THBS1: variants seen among roughly 807,000 people sequenced by gnomAD.
The protein encoded by THBS1 is thrombospondin 1, also known as thrombospondin-1.
In THBS1, 29 loss-of-function variants were observed where a neutral mutation model predicts 126.1. The ratio of observed to expected loss-of-function variants is 0.23; its 90% CI spans 0.17 to 0.31. The LOEUF is 0.31. THBS1 is among the 10% of genes least tolerant of loss of function. The pLI, the probability that THBS1 is intolerant of heterozygous loss-of-function variation, is 1.00. For missense variants in THBS1, 1,198 were observed against 1,545.2 expected, an observed-to-expected ratio of 0.78 and a Z score of 3.77; for synonymous variants, 496 against 577.8, an observed-to-expected ratio of 0.86 and a Z score of 2.03.
intron 3 of THBS1, among the ~76,000 whole-genome samples, 161 bp downstream of exon 3, chr15:39,582,913 G>T (rs1890140711): frequency 6.6e-6 from 1 of 152,216 alleles, no homozygotes; most frequent in African/African-American, 2.4e-5. Flanking sequence ...TCACCCTGCT[G>T]CACCCCAGCC....
chr15:39,592,546 T>C lies in THBS1; in HGVS notation c.2533-22T>C. ...GAATGGTTTATACTGCAATTTACCCTCCATTTACATCTCTCTTTCAGCTGG... is the reference window on the plus strand; with the variant it reads ...GAATGGTTTATACTGCAATTTACCCCCCATTTACATCTCTCTTTCAGCTGG... On this transcript the variant is annotated intron_variant, in intron 16 of 21. Transcript: ENST00000260356. The surrounding 1 kb of genome is among the most constrained non-coding windows in gnomAD (Gnocchi z 4.3). 1 of 1,584,538 alleles carries C rather than the reference T, an allele frequency of 6.3e-7. No homozygotes were observed.
In THBS1 at chr15:39,589,864, G is replaced by A; in HGVS notation, c.1986G>A (p.Lys662=). ...DGTHDCNKNA[K]CNYLGHYSDP... is the part of the protein sequence containing the mutation. ...CCCACGACTGCAACAAGAACGCCAA[G>A]TGCAACTACCTGGGCCACTATAGCG... Residue 662 remains lysine (K), a synonymous_variant, in exon 13 of 22, where the codon AAG becomes AAA. Transcript: ENST00000260356. This position sits in a 1 kb window ranked among gnomAD's most constrained non-coding sequence, Gnocchi z 4.7. 6.2e-7 allele frequency: 1 copy of A among 1,614,198 alleles called. No homozygotes were observed. Among genetic ancestry groups the A allele is most frequent in the Non-Finnish European group, 8.5e-7 (1 of 1,180,032 alleles).
In THBS1 at chr15:39,584,050, A is replaced by C; in HGVS notation, c.766A>C (p.Thr256Pro). 6.2e-7 allele frequency: 1 copy of C among 1,614,198 alleles called. No homozygotes were observed. The highest frequency in any genetic ancestry group is 8.5e-7 in the Non-Finnish European group (1 of 1,180,052). The change falls in exon 5 of 22, where the codon ACT becomes CCT. Residue 256 changes from threonine (T) to proline (P), a missense_variant. Coordinates refer to ENST00000260356, the MANE Select transcript of THBS1 (RefSeq NM_003246.4). ...VVNGSSPAIR[T>P]NYIGHKTKDL... ...GAATGGTTCCAGCCCTGCCATCCGC[A>C]CTAACTACATTGGCCACAAGACAAA...
In THBS1 at chr15:39,593,754, C is replaced by T; in HGVS notation, c.3267+86C>T. 6.6e-7 allele frequency: 1 copy of T among 1,525,482 alleles called. No individual in the cohort carries two copies. The highest frequency in any genetic ancestry group is 8.8e-7 in the Non-Finnish European group (1 of 1,132,488). The allele number at this position is 1,525,482 out of a possible 1,614,324, so 94.5% of individuals were successfully genotyped here. Reference sequence around the variant, plus strand: ...TGCTGTGCTTTGACCAAGACTCTGACCAGGGAGTCTTAGAAAGTTCCCAGC... The same window carrying T: ...TGCTGTGCTTTGACCAAGACTCTGATCAGGGAGTCTTAGAAAGTTCCCAGC... On this transcript the variant is annotated intron_variant, in intron 19 of 21. Transcript: ENST00000260356. This position sits in a 1 kb window ranked among gnomAD's most constrained non-coding sequence, Gnocchi z 5.9.
chr15:39,595,263 T>C, intron 21 of THBS1, 99 bp from the exon 22 acceptor site: 2 of 751,316 alleles, frequency 2.7e-6, no homozygotes, highest in Admixed American at 3.6e-5. Context: ...ATTAGAAAAG[T>C]AGAGCTATTC....
chr15:39,592,526 G>C lies in THBS1; in HGVS notation c.2533-42G>C. ...GCATAAGTTATCTTTAACATGAATGGTTTATACTGCAATTTACCCTCCATT... is the reference window on the plus strand; with the variant it reads ...GCATAAGTTATCTTTAACATGAATGCTTTATACTGCAATTTACCCTCCATT... On this transcript the variant is annotated intron_variant, in intron 16 of 21. Coordinates refer to ENST00000260356, the MANE Select transcript of THBS1 (RefSeq NM_003246.4). This position sits in a 1 kb window ranked among gnomAD's most constrained non-coding sequence, Gnocchi z 4.3. 6 of 1,517,672 alleles carry C rather than the reference G, an allele frequency of 4.0e-6. No individual in the cohort carries two copies. Among genetic ancestry groups the C allele is most frequent in the Non-Finnish European group, 5.4e-6 (6 of 1,114,574 alleles). 94.0% of individuals were successfully genotyped at this position (1,517,672 alleles called of 1,614,324 possible). A position where few individuals can be genotyped will look rare whatever the true frequency, so the allele number is the denominator to read the frequency against.
intron 6 of THBS1, among the ~76,000 whole-genome samples, chr15:39,585,267 A>T (rs41308582): frequency 2.7e-3 from 405 of 152,334 alleles, no homozygotes; most frequent in Non-Finnish European, 4.6e-3. Context: ...CAAGGAATGG[A>T]GTGACACGTA....
In THBS1 at chr15:39,587,291, A is replaced by G. The variant is rs1021969858; in HGVS notation, c.1121-56A>G. The G allele has an allele frequency of 7.7e-6, 12 of 1,556,362 alleles. No individual in the cohort carries two copies. The African/African-American group carries it at 1.2e-4, about 16-fold the overall frequency. On this transcript the variant is annotated intron_variant, in intron 7 of 21. Transcript: ENST00000260356. ...TGGAGGGCCCTGAACAGAGCCCTCTAAAGAACAGCTTGTCCTAATCATCAC... is the reference window on the plus strand; with the variant it reads ...TGGAGGGCCCTGAACAGAGCCCTCTGAAGAACAGCTTGTCCTAATCATCAC...
Position 39,588,588 on chromosome 15 carries a change from G to T in THBS1, c.1534G>T (p.Val512Leu), listed in dbSNP as rs759906085. ...CTGTTCTGTCACCTGTGGAGGAGGG[G>T]TACAGAAACGTAGTCGTCTCTGCAA... The part of the protein sequence containing the change: ...DICSVTCGGG[V>L]QKRSRLCNNP... Residue 512 changes from valine (V) to leucine (L), a missense_variant, in exon 10 of 22, where the codon GTA (valine) becomes TTA (leucine). Coordinates refer to ENST00000260356, the MANE Select transcript of THBS1 (RefSeq NM_003246.4). 3 of 1,609,074 alleles carry T rather than the reference G, an allele frequency of 1.9e-6. No homozygotes were observed. Among genetic ancestry groups the T allele is most frequent in the Non-Finnish European group, 2.5e-6 (3 of 1,177,930 alleles).
chr15:39,588,731 A>G (rs573626255), intron 10 of THBS1, 32 bp downstream of exon 10: 1 of 1,552,310 alleles, frequency 6.4e-7, no homozygotes, highest in Non-Finnish European at 8.7e-7. Context: ...GAAACGACCC[A>G]GGAGCTTTGC....
In THBS1 at chr15:39,590,574, G is replaced by A; in HGVS notation, c.2204G>A (p.Gly735Asp). Residue 735 changes from glycine (G) to aspartate (D), a missense_variant, in exon 14 of 22, where the codon GGT (glycine) becomes GAT (aspartate). Around this residue, in one of 4 missense-constraint regions of THBS1, gnomAD observed 663 missense variants for 860.1 expected, o/e 0.77. Transcript: ENST00000260356. ...GAAGACTATGACAAGGATGGAATTG[G>A]TGATGCCTGTGATGATGACGATGAC... ...GQEDYDKDGI[G>D]DACDDDDDND... is the part of the protein sequence containing the mutation. 2 of 1,613,944 alleles carry A rather than the reference G, an allele frequency of 1.2e-6. No homozygotes were observed. Among genetic ancestry groups the A allele is most frequent in the Non-Finnish European group, 1.7e-6 (2 of 1,179,980 alleles).
chr15:39,582,804 G>C, intron 3 of THBS1, 52 bp downstream of exon 3: 1 of 1,536,384 alleles, frequency 6.5e-7, no homozygotes, highest in Non-Finnish European at 8.8e-7. Context: ...CTAGACAGGT[G>C]ACCTGCCAGG....
intron 14 of THBS1, 64 bp from the exon 15 acceptor site, chr15:39,591,127 G>A: frequency 6.4e-7 from 1 of 1,559,370 alleles, no homozygotes; most frequent in South Asian, 1.2e-5. Flanking sequence ...TTATGCACAT[G>A]GTTTGAGGCT....
chr15:39,587,644 T>A, intron 8 of THBS1, 124 bp downstream of exon 8: 1 of 1,005,602 alleles, frequency 9.9e-7, no homozygotes, highest in Non-Finnish European at 1.4e-6. Context: ...CCAATCCCAC[T>A]GCTTAGCTGT....
chr15:39,582,249 A>G lies in THBS1; in HGVS notation c.124A>G (p.Lys42Glu). 4.3e-6 allele frequency: 7 copies of G among 1,614,006 alleles called. No individual in the cohort carries two copies. Among genetic ancestry groups the G allele is most frequent in the Non-Finnish European group, 5.9e-6 (7 of 1,179,978 alleles). ...DIFELTGAAR[K>E]GSGRRLVKGP... ...CTTTGAACTCACCGGGGCCGCCCGCAAGGGGTCTGGGCGCCGACTGGTGAA... is the reference window on the plus strand; with the variant it reads ...CTTTGAACTCACCGGGGCCGCCCGCGAGGGGTCTGGGCGCCGACTGGTGAA... The change falls in exon 3 of 22, where the codon AAG becomes GAG. Residue 42 changes from lysine (K) to glutamate (E), a missense_variant. This residue lies in a region of THBS1 where 271 missense variants were observed against 277.0 expected (regional missense o/e 0.98). Coordinates refer to ENST00000260356, the MANE Select transcript of THBS1 (RefSeq NM_003246.4).
rs1408378778 is a variant in THBS1 at position 39,590,904 on chromosome 15, A to G, written c.2253+281A>G. ...ACTTTGTTCCCTAGATTCATTTCAA[A>G]TGTCACATCGAAATTACAGTAAAAT... On this transcript the variant is annotated intron_variant, in intron 14 of 21. Transcript: ENST00000260356. 7 of 534,628 alleles carry G rather than the reference A, an allele frequency of 1.3e-5. No individual in the cohort carries two copies. The East Asian group carries it at 2.0e-4, about 15-fold the overall frequency. The allele number at this position is 534,628 out of a possible 1,614,324, so 33.1% of individuals were successfully genotyped here.
rs1890159699 is a variant in THBS1, at chr15:39,583,896, T to C, written c.704-92T>C. The C allele has an allele frequency of 4.0e-6, 6 of 1,493,342 alleles. No homozygotes were observed. The East Asian group carries it at 1.4e-4, about 36-fold the overall frequency. 92.5% of individuals were successfully genotyped at this position (1,493,342 alleles called of 1,614,324 possible). A position where few individuals can be genotyped will look rare whatever the true frequency, so the allele number is the denominator to read the frequency against. ...CACGCAACCCCTCTACCTGCATCCT[T>C]CACACCAAATGAAACGTCTTCTACC... On this transcript the variant is annotated intron_variant, in intron 4 of 21. Transcript: ENST00000260356.
chr15:39,581,273 C>T (rs1217765290), intron 1 of THBS1, 45 bp downstream of exon 1: 1 of 152,948 alleles, frequency 6.5e-6, no homozygotes, highest in African/African-American at 2.4e-5. Context: ...CTGCCCGGGA[C>T]ATCCACCTGG....
Position 39,592,759 on chromosome 15 carries a change from C to T in THBS1, c.2724C>T (p.Asp908=), listed in dbSNP as rs757723520. Residue 908 remains aspartate, a synonymous_variant, in exon 17 of 22, where the codon GAC becomes GAT. Coordinates refer to ENST00000260356, the MANE Select transcript of THBS1 (RefSeq NM_003246.4). The surrounding 1 kb of genome is among the most constrained non-coding windows in gnomAD (Gnocchi z 4.3). ...ACGATGGCATTCCTGATGACAAGGACAACTGCAGACTCGTGCCCAATCCCG... is the reference window on the plus strand; with the variant it reads ...ACGATGGCATTCCTGATGACAAGGATAACTGCAGACTCGTGCCCAATCCCG... ...DDNDGIPDDK[D]NCRLVPNPDQ... is the part of the protein sequence containing the mutation. The T allele has an allele frequency of 1.9e-6, 3 of 1,614,156 alleles. No individual in the cohort carries two copies. In the Admixed American group the frequency reaches 5.0e-5, roughly 27 times the overall value.
Sources: gnomAD v4.1 joint callset for allele counts (sites outside exome capture counted in the v4.1 genomes callset) on GRCh38, gnomAD v4.1.1 for gene constraint, gnomAD v4.1.1 regional missense constraint, Gnocchi (gnomAD v3.1) non-coding constraint, MANE v1.5 for transcripts, NCBI Gene and HGNC (gene_info 2026-07-23, HGNC 2026-07-21) for gene names.